FOXK1: variants seen among roughly 807,000 people sequenced by gnomAD.
FOXK1 encodes the protein forkhead box protein K1.
FOXK1 carries 19 observed loss-of-function variants against 51.9 expected under a neutral mutation model. The ratio of observed to expected loss-of-function variants is 0.37; its 90% CI spans 0.26 to 0.54. The LOEUF (loss-of-function observed/expected upper bound fraction) is 0.54. Ranked by LOEUF, FOXK1 falls within the 20% of genes least tolerant of loss-of-function variation. The pLI is 0.87. For missense variants in FOXK1, 870 were observed against 1,032.7 expected (o/e 0.84, Z 2.16); for synonymous variants, 537 against 482.6 (o/e 1.11, Z -1.48).
At chr7:4,686,423 A>T (rs1414481822) in intron 1 of FOXK1, among the ~76,000 whole-genome samples, 2 of 152,082 alleles carry the variant, frequency 1.3e-5, no homozygotes, top group Non-Finnish European at 2.9e-5. Flanking sequence ...AATATTTTTA[A>T]TTATTGGTGG....
At chr7:4,725,558 C>A (rs1459120710) in intron 1 of FOXK1, among the ~76,000 whole-genome samples, 1 of 152,250 alleles carries the variant, frequency 6.6e-6, no homozygotes, top group Non-Finnish European at 1.5e-5. Flanking sequence ...TGCCTTTGTG[C>A]GGCCGGGCCC....
rs1780482655 is a variant in FOXK1, at chr7:4,731,896, G to A, written c.561-8942G>A. On this transcript the variant is annotated intron_variant, in intron 1 of 8. Coordinates refer to ENST00000328914, the MANE Select transcript of FOXK1 (RefSeq NM_001037165.2). The surrounding 1 kb of genome is among the most constrained non-coding windows in gnomAD (Gnocchi z 5.3). ...CACATTTTCAGTAACCGCTTGCTAC[G>A]TGCCAGCCGTCCGGTCAGGACTGAT... Among the ~76,000 whole-genome samples the A allele has an allele frequency of 1.3e-5, 2 of 152,068 alleles. No homozygotes were observed. Among genetic ancestry groups the A allele is most frequent in the Admixed American group, 1.3e-4 (2 of 15,274 alleles).
chr7:4,699,894 T>C (rs1331614997), intron 1 of FOXK1, among the ~76,000 whole-genome samples: 1 of 152,232 alleles, frequency 6.6e-6, no homozygotes, highest in Non-Finnish European at 1.5e-5. Context: ...ATACTTCTTC[T>C]CTTTGTTCCA....
chr7:4,712,492 A>C (rs1441395633), intron 1 of FOXK1, among the ~76,000 whole-genome samples: 1 of 152,170 alleles, frequency 6.6e-6, no homozygotes, highest in African/African-American at 2.4e-5. Flanking sequence ...ATTTACCATC[A>C]AGGCATAAAC....
At position 4,725,700 on chromosome 7, in the gene FOXK1, C is replaced by T. The variant is rs140400229; in HGVS notation, c.561-15138C>T. ...GGCTGCCGACTGGCCCAGTGGGTGG[C>T]GATGCCACTTACATGTGATTTCTCA... is the stretch of plus-strand genomic sequence containing the variant. On this transcript the variant is annotated intron_variant, in intron 1 of 8. Transcript: ENST00000328914. 1.9e-3 allele frequency among the ~76,000 whole-genome samples: 296 copies of T among 152,370 alleles called. 2 individuals carry two copies. Among genetic ancestry groups the T allele is most frequent in the Middle Eastern group, 0.014 (4 of 294 alleles).
At chr7:4,706,038 ATATACGTG>A (rs1780096715) in intron 1 of FOXK1, among the ~76,000 whole-genome samples, 1 of 125,840 alleles carries the variant, frequency 7.9e-6, no homozygotes, top group Admixed American at 7.4e-5. Context: ...ATATACGTGT[ATATACGTG>A]TATATATGTA....
At position 4,765,878 on chromosome 7, in the gene FOXK1, G is replaced by C. The variant is rs749220026; in HGVS notation, c.*3414G>C. On this transcript the variant is annotated 3_prime_UTR_variant, in exon 9 of 9. Transcript: ENST00000328914. ...GGCCATTTGGTGGCCCCTGGGAAGTGGGGAAGCAGGGCCTGAGCGTCCCCA... is the reference window on the plus strand; with the variant it reads ...GGCCATTTGGTGGCCCCTGGGAAGTCGGGAAGCAGGGCCTGAGCGTCCCCA... 3.9e-5 allele frequency: 6 copies of C among 152,254 alleles called. No individual in the cohort carries two copies. The highest frequency in any genetic ancestry group is 8.8e-5 in the Non-Finnish European group (6 of 68,068). 9.4% of individuals were successfully genotyped at this position (152,254 alleles called of 1,614,324 possible).
chr7:4,728,521 G>A (rs966245619), intron 1 of FOXK1, among the ~76,000 whole-genome samples: 1 of 152,156 alleles, frequency 6.6e-6, no homozygotes, highest in Non-Finnish European at 1.5e-5. Context: ...TGCTGTGTGT[G>A]TACTGACCCT....
chr7:4,692,128 GAAAA>G (rs1017608222), intron 1 of FOXK1, among the ~76,000 whole-genome samples: 1 of 150,748 alleles, frequency 6.6e-6, no homozygotes, highest in Non-Finnish European at 1.5e-5. Flanking sequence ...ATATTTTTAT[GAAAA>G]AAAAACTATA....
chr7:4,691,929 T>C (rs1028564921), intron 1 of FOXK1, among the ~76,000 whole-genome samples: 1 of 152,194 alleles, frequency 6.6e-6, no homozygotes, highest in African/African-American at 2.4e-5. Flanking sequence ...TCTCTGCTTA[T>C]ACCAGCAATT....
In FOXK1 at chr7:4,769,778, TTTG is replaced by T. The variant is rs1439396985; in HGVS notation, c.*7320_*7322del. Reference sequence around the variant, plus strand: ...TTTGCTCCTTACCCAGTTTTTGTTTTTTGTTGTTTTGTTTTGTTTTAGCGTGAT... The same window carrying T: ...TTTGCTCCTTACCCAGTTTTTGTTTTTTGTTTTGTTTTGTTTTAGCGTGAT... On this transcript the variant is annotated 3_prime_UTR_variant, in exon 9 of 9. Transcript: ENST00000328914. The surrounding 1 kb of genome is among the most constrained non-coding windows in gnomAD (Gnocchi z 4.1). 2 of 152,198 alleles carry T rather than the reference TTTG, an allele frequency of 1.3e-5. No homozygotes were observed. The highest frequency in any genetic ancestry group is 2.9e-5 in the Non-Finnish European group (2 of 68,056). The allele number at this position is 152,198 out of a possible 1,614,324, so 9.4% of individuals were successfully genotyped here.
Position 4,756,528 on chromosome 7 carries a change from G to A in FOXK1, c.1051-466G>A, listed in dbSNP as rs948577378. Among the ~76,000 whole-genome samples the A allele has an allele frequency of 4.0e-5, 6 of 150,600 alleles. No individual in the cohort carries two copies. In the South Asian group the frequency reaches 1.1e-3, roughly 28 times the overall value. Reference sequence around the variant, plus strand: ...CAGCCAGGCACAGTAGCTCATGCCTGTAATCCCAGCACTTTGGGAGGCCGA... The same window carrying A: ...CAGCCAGGCACAGTAGCTCATGCCTATAATCCCAGCACTTTGGGAGGCCGA... On this transcript the variant is annotated intron_variant, in intron 4 of 8. Transcript: ENST00000328914. This position sits in a 1 kb window ranked among gnomAD's most constrained non-coding sequence, Gnocchi z 4.1.
rs1488041877 is a variant in FOXK1, at chr7:4,683,795, C to T, written c.560+927C>T. ...TCCTGGGGGACCCCAACACACTCAC[C>T]CAGGACAGTGGGAGGGTGTTGCTCC... On this transcript the variant is annotated intron_variant, in intron 1 of 8. Transcript: ENST00000328914. This position sits in a 1 kb window ranked among gnomAD's most constrained non-coding sequence, Gnocchi z 4.5. Among the ~76,000 whole-genome samples the T allele has an allele frequency of 1.3e-5, 2 of 152,190 alleles. No individual in the cohort carries two copies. Among genetic ancestry groups the T allele is most frequent in the Non-Finnish European group, 2.9e-5 (2 of 68,024 alleles).
In FOXK1 at chr7:4,683,289, A is replaced by ATCCCTGCTGCTCCCCAGC. The variant is rs1374240450; in HGVS notation, c.560+426_560+443dup. Reference sequence around the variant, plus strand: ...TGGGCCTCTTAGACCCCTGACCCAGATCCCTGCTGCTCCCCAGCTCCCATC... The same window carrying ATCCCTGCTGCTCCCCAGC: ...TGGGCCTCTTAGACCCCTGACCCAGATCCCTGCTGCTCCCCAGCTCCCTGCTGCTCCCCAGCTCCCATC... On this transcript the variant is annotated intron_variant, in intron 1 of 8. Transcript: ENST00000328914. This position sits in a 1 kb window ranked among gnomAD's most constrained non-coding sequence, Gnocchi z 4.5. 6.8e-6 allele frequency among the ~76,000 whole-genome samples: 1 copy of ATCCCTGCTGCTCCCCAGC among 147,096 alleles called. No homozygotes were observed. The highest frequency in any genetic ancestry group is 1.5e-5 in the Non-Finnish European group (1 of 66,718).
At chr7:4,726,380 A>G (rs558734176) in intron 1 of FOXK1, among the ~76,000 whole-genome samples, 6 of 152,202 alleles carry the variant, frequency 3.9e-5, no homozygotes, top group Non-Finnish European at 8.8e-5. Flanking sequence ...CAGCTTTAGC[A>G]AAACTGGGCC....
rs1049248871 is a variant in FOXK1, at chr7:4,708,353, G to C, written c.560+25485G>C. ...GGAAAACTGGAAGCCCCCGTGGATC[G>C]GGATCCGGCCTCCTTCATCCAGGGC... On this transcript the variant is annotated intron_variant, in intron 1 of 8. Coordinates refer to ENST00000328914, the MANE Select transcript of FOXK1 (RefSeq NM_001037165.2). 2.0e-5 allele frequency among the ~76,000 whole-genome samples: 3 copies of C among 152,096 alleles called. No homozygotes were observed. In the East Asian group the frequency reaches 5.8e-4, roughly 29 times the overall value.
chr7:4,701,295 GT>G (rs1780018925), intron 1 of FOXK1, among the ~76,000 whole-genome samples: 1 of 152,222 alleles, frequency 6.6e-6, no homozygotes, highest in Non-Finnish European at 1.5e-5. Context: ...CCTTGAATTA[GT>G]TTGAGTAACG....
chr7:4,701,560 A>G (rs1329123012), intron 1 of FOXK1, among the ~76,000 whole-genome samples: 3 of 152,212 alleles, frequency 2.0e-5, no homozygotes, highest in African/African-American at 4.8e-5. Flanking sequence ...GTTCGGGACC[A>G]GTCTGGGCGA....
At position 4,762,815 on chromosome 7, in the gene FOXK1, C is replaced by CTG. The variant is rs1442289148; in HGVS notation, c.*351_*352insTG. ...AATGTGTCAAGACAGCCCCTCCGCTCCGCGCTGCACGGCCAGCCGCCTTTG... is the reference window on the plus strand; with the variant it reads ...AATGTGTCAAGACAGCCCCTCCGCTCTGCGCGCTGCACGGCCAGCCGCCTTTG... On this transcript the variant is annotated 3_prime_UTR_variant, in exon 9 of 9. Transcript: ENST00000328914. The surrounding 1 kb of genome is among the most constrained non-coding windows in gnomAD (Gnocchi z 5.7). 38 of 241,366 alleles carry CTG rather than the reference C, an allele frequency of 1.6e-4. No homozygotes were observed. Among genetic ancestry groups the CTG allele is most frequent in the Middle Eastern group, 3.0e-3 (2 of 660 alleles). The allele number at this position is 241,366 out of a possible 1,614,324, so 15.0% of individuals were successfully genotyped here.
Sources: allele counts gnomAD v4.1 joint callset (sites outside exome capture counted in the v4.1 genomes callset), GRCh38; gene constraint gnomAD v4.1.1; non-coding constraint Gnocchi (gnomAD v3.1); transcripts MANE v1.5; gene names NCBI Gene and HGNC (gene_info 2026-07-23, HGNC 2026-07-21).